LYPLAL1: variants seen among roughly 807,000 people sequenced by gnomAD.
LYPLAL1 encodes the protein lysophospholipase like 1.
LYPLAL1 carries 23 observed loss-of-function variants against 19.7 expected under a neutral mutation model. The observed-to-expected ratio is 1.17, with a 90% CI of 0.84 to 1.65. The LOEUF (loss-of-function observed/expected upper bound fraction) is 1.65. Among genes scored for constraint, LYPLAL1 ranks in the 40% most tolerant of loss-of-function variants. LYPLAL1 has a pLI of 0.00. For synonymous variants in LYPLAL1, 119 were observed against 96.3 expected, an observed-to-expected ratio of 1.24 and a Z score of -1.38; for missense variants, 355 against 279.4, an observed-to-expected ratio of 1.27 and a Z score of -1.93.
At chr1:219,262,044 T>C in the LYPLAL1 span, among the ~76,000 whole-genome samples, 1 of 152,128 alleles carries the variant, frequency 6.6e-6, no homozygotes, top group Non-Finnish European at 1.5e-5. Context: ...GTTTATATTT[T>C]TTTGTTCTTT....
the LYPLAL1 span, among the ~76,000 whole-genome samples, chr1:219,313,358 A>C: frequency 1.3e-5 from 2 of 152,184 alleles, no homozygotes; most frequent in Non-Finnish European, 2.9e-5. Flanking sequence ...GCCACCTTTA[A>C]GGTTATAGCT....
the LYPLAL1 span, among the ~76,000 whole-genome samples, chr1:219,390,821 G>T: frequency 6.6e-6 from 1 of 152,068 alleles, no homozygotes; most frequent in South Asian, 2.1e-4. Context: ...TGTTATAGGG[G>T]TGGCAACTTC....
the LYPLAL1 span, among the ~76,000 whole-genome samples, chr1:219,340,112 A>G: frequency 6.6e-6 from 1 of 152,082 alleles, no homozygotes; most frequent in Non-Finnish European, 1.5e-5. Flanking sequence ...TATTTATCTT[A>G]TAAAAATTGA....
chr1:219,311,463 C>G, the LYPLAL1 span, among the ~76,000 whole-genome samples: 252 of 151,994 alleles, frequency 1.7e-3, no homozygotes, highest in East Asian at 1.4e-3. Flanking sequence ...ATTATTCCCC[C>G]CATACCAACA....
chr1:219,258,024 A>T, the LYPLAL1 span, among the ~76,000 whole-genome samples: 1 of 151,900 alleles, frequency 6.6e-6, no homozygotes, highest in Admixed American at 6.6e-5. Context: ...TCATACTTAC[A>T]TGTCTGTTTA....
the LYPLAL1 span, among the ~76,000 whole-genome samples, chr1:219,287,871 T>G: frequency 6.6e-6 from 1 of 152,144 alleles, no homozygotes; most frequent in African/African-American, 2.4e-5. Context: ...TCTGAAAATG[T>G]GTAGCACTTC....
the LYPLAL1 span, among the ~76,000 whole-genome samples, chr1:219,367,293 C>T: frequency 7.2e-5 from 11 of 152,192 alleles, no homozygotes; most frequent in African/African-American, 1.7e-4. Context: ...GGCATTCCTA[C>T]GTGTGATGTT....
chr1:219,293,642 C>T, the LYPLAL1 span, among the ~76,000 whole-genome samples: 7 of 152,186 alleles, frequency 4.6e-5, no homozygotes, highest in African/African-American at 1.7e-4. Flanking sequence ...TTACAAAACA[C>T]GAAACAGCAT....
At chr1:219,348,464 T>C in the LYPLAL1 span, among the ~76,000 whole-genome samples, 1 of 152,256 alleles carries the variant, frequency 6.6e-6, no homozygotes, top group Non-Finnish European at 1.5e-5. Flanking sequence ...CAGCTTCTTC[T>C]GGGTCACTTC....
chr1:219,239,507 A>G, the LYPLAL1 span, among the ~76,000 whole-genome samples: 2 of 152,232 alleles, frequency 1.3e-5, no homozygotes, highest in Admixed American at 6.5e-5. Context: ...AAGAAGCACT[A>G]TCGGGATATA....
the LYPLAL1 span, among the ~76,000 whole-genome samples, chr1:219,257,352 AGTTTTT>A: frequency 7.2e-4 from 51 of 70,918 alleles, no homozygotes; most frequent in East Asian, 2.9e-3. Flanking sequence ...CATCCATACC[AGTTTTT>A]GTTTTTTTTT....
the LYPLAL1 span, among the ~76,000 whole-genome samples, chr1:219,374,798 G>C: frequency 6.6e-6 from 1 of 152,140 alleles, no homozygotes; most frequent in East Asian, 1.9e-4. Flanking sequence ...CAGATGAATA[G>C]AATCAGCATG....
the LYPLAL1 span, among the ~76,000 whole-genome samples, chr1:219,313,465 A>T: frequency 6.6e-6 from 1 of 152,150 alleles, no homozygotes; most frequent in Admixed American, 6.5e-5. Context: ...GCTGTGTGAA[A>T]ATTTATTCAA....
chr1:219,196,905 A>G (rs1657650342), intron 3 of LYPLAL1, among the ~76,000 whole-genome samples: 1 of 152,114 alleles, frequency 6.6e-6, no homozygotes, highest in Non-Finnish European at 1.5e-5. Context: ...CACAATTGCT[A>G]CAAAGAGAAT....
At chr1:219,194,659 G>A (rs1005187628) in intron 3 of LYPLAL1, among the ~76,000 whole-genome samples, 2 of 151,898 alleles carry the variant, frequency 1.3e-5, no homozygotes, top group African/African-American at 2.4e-5. Context: ...ACAATGCCTG[G>A]CACAGAGCAA....
At chr1:219,210,079 G>A (rs1658887152) in intron 3 of LYPLAL1, among the ~76,000 whole-genome samples, 1 of 151,928 alleles carries the variant, frequency 6.6e-6, no homozygotes. Flanking sequence ...AATTCACTAA[G>A]CATCTATTAT....
the LYPLAL1 span, among the ~76,000 whole-genome samples, chr1:219,335,623 ACT>A: frequency 0.067 from 10,229 of 151,826 alleles, 484 homozygotes; most frequent in South Asian, 0.14. Context: ...TGCACTAAAA[ACT>A]CTTCCCTCTA....
chr1:219,218,199 A>G, the LYPLAL1 span, among the ~76,000 whole-genome samples: 1 of 152,044 alleles, frequency 6.6e-6, no homozygotes, highest in Non-Finnish European at 1.5e-5. Context: ...ACAAAATAGG[A>G]GGCAGACTGG....
chr1:219,363,048 C>G, the LYPLAL1 span, among the ~76,000 whole-genome samples: 5 of 152,208 alleles, frequency 3.3e-5, no homozygotes, highest in South Asian at 1.0e-3. Flanking sequence ...CACAATACCA[C>G]CGTCTTCATT....
Sources: allele counts gnomAD v4.1 joint callset (sites outside exome capture counted in the v4.1 genomes callset), GRCh38; gene constraint gnomAD v4.1.1; transcripts MANE v1.5; gene names NCBI Gene and HGNC (gene_info 2026-07-23, HGNC 2026-07-21).